Variants in CCNK observed in about 807,000 individuals in gnomAD.
CCNK encodes cyclin K.
CCNK carries 9 observed loss-of-function variants against 65.0 expected under a neutral mutation model. The ratio of observed to expected loss-of-function variants is 0.14; its 90% CI spans 0.08 to 0.24. CCNK has a LOEUF of 0.24. Among genes scored for constraint, CCNK ranks in the 10% least tolerant of loss-of-function variants. The probability of loss-of-function intolerance (pLI) is 1.00; values close to 1 mark genes in which losing one functional copy is unlikely to be tolerated. For synonymous variants in CCNK, 279 were observed against 270.8 expected, an observed-to-expected ratio of 1.03 and a Z score of -0.30; for missense variants, 474 against 720.0, an observed-to-expected ratio of 0.66 and a Z score of 3.91.
intron 6 of CCNK, chr14:99,501,621 G>A: frequency 1.9e-6 from 1 of 539,404 alleles, no homozygotes; most frequent in Non-Finnish European, 3.3e-6. Context: ...TCATGGTGTT[G>A]TGAGGTGCTG....
At chr14:99,486,633 CTCTTG>C (rs1257465475) in intron 1 of CCNK, among the ~76,000 whole-genome samples, 1 of 152,176 alleles carries the variant, frequency 6.6e-6, no homozygotes, top group Non-Finnish European at 1.5e-5. Context: ...CCAGCTTTTT[CTCTTG>C]TCTTATCCAT....
intron 1 of CCNK, among the ~76,000 whole-genome samples, chr14:99,490,167 G>A (rs1441389387): frequency 6.6e-6 from 1 of 152,186 alleles, no homozygotes; most frequent in African/African-American, 2.4e-5. Flanking sequence ...AGAAAGTAGA[G>A]CTTAATTCCT....
chr14:99,506,929 C>T (rs917628002), intron 9 of CCNK, 147 bp from the exon 10 acceptor site: 6 of 676,246 alleles, frequency 8.9e-6, no homozygotes, highest in African/African-American at 5.3e-5. Flanking sequence ...AATGGTTTAG[C>T]TGAAACCTTC....
chr14:99,502,040 C>T (rs2069496), intron 6 of CCNK, 167 bp from the exon 7 acceptor site: 299,196 of 668,104 alleles, frequency 0.45, 69,169 homozygotes, highest in East Asian at 0.56. Context: ...GTAACTTAGT[C>T]GGGTACCTTT....
At chr14:99,487,544 G>T (rs1896516121) in intron 1 of CCNK, among the ~76,000 whole-genome samples, 2 of 152,234 alleles carry the variant, frequency 1.3e-5, no homozygotes, top group South Asian at 4.1e-4. Context: ...ACTGCTTTAT[G>T]CAACAACAGG....
At position 99,503,588 on chromosome 14, in the gene CCNK, T is replaced by C. The variant is rs1316345545; in HGVS notation, c.1012-23T>C. The C allele has an allele frequency of 8.4e-6, 13 of 1,551,292 alleles. No homozygotes were observed. In the East Asian group the frequency reaches 2.9e-4, roughly 34 times the overall value. ...TCATACTCAGGATCCCAGTTAACAA[T>C]TGTGTATTTTCTTTTGTAACAGGTT... On this transcript the variant is annotated intron_variant, in intron 8 of 10. Coordinates refer to ENST00000389879, the MANE Select transcript of CCNK (RefSeq NM_001099402.2).
At chr14:99,495,408 G>A (rs1270586134) in intron 3 of CCNK, 90 bp from the exon 4 acceptor site, 4 of 1,156,994 alleles carry the variant, frequency 3.5e-6, no homozygotes, top group Middle Eastern at 3.0e-4. Context: ...GAATGAGGAA[G>A]ACCAGTTTAT....
At chr14:99,492,897 CTG>C (rs1411263498) in intron 2 of CCNK, 23 bp downstream of exon 2, 44 of 1,554,830 alleles carry the variant, frequency 2.8e-5, no homozygotes, top group Non-Finnish European at 3.5e-5. Context: ...TCCTTGGAAT[CTG>C]TTACAGATAG....
intron 4 of CCNK, among the ~76,000 whole-genome samples, chr14:99,496,398 A>G (rs1318255072): frequency 6.6e-6 from 1 of 152,198 alleles, no homozygotes; most frequent in Non-Finnish European, 1.5e-5. Flanking sequence ...CAACATAGCG[A>G]AACCCCATCT....
Position 99,502,823 on chromosome 14 carries a change from C to G in CCNK, c.850C>G (p.Gln284Glu), listed in dbSNP as rs768325984. ...GCCCCCATCTCTTCAGCCTACACCA[C>G]AAGTGCCGCAAGTACAGCAGTCACA... is the stretch of plus-strand genomic sequence containing the variant. Reference protein sequence around the residue: ...QQPPSLQPTPQVPQVQQSQPS... With the variant: ...QQPPSLQPTPEVPQVQQSQPS... The change falls in exon 8 of 11, where the codon CAA (glutamine) becomes GAA (glutamate). Residue 284 changes from glutamine (Q) to glutamate (E), a missense_variant. Gln to Glu is a conservative substitution (Grantham distance 29, BLOSUM62 2). This residue lies in a region of CCNK where 229 missense variants were observed against 275.5 expected (regional missense o/e 0.83). Coordinates refer to ENST00000389879, the MANE Select transcript of CCNK (RefSeq NM_001099402.2). 1 of 1,613,774 alleles carries G rather than the reference C, an allele frequency of 6.2e-7. No homozygotes were observed. Among genetic ancestry groups the G allele is most frequent in the Non-Finnish European group, 8.5e-7 (1 of 1,179,816 alleles).
Position 99,511,087 on chromosome 14 carries a change from G to C in CCNK, c.*305G>C. On this transcript the variant is annotated 3_prime_UTR_variant, in exon 11 of 11. Transcript: ENST00000389879. ...GTGAGGACGTTAACCAGCCATATTG[G>C]CTCAATAAATAGCTTCGGTAAGGAG... 1 of 241,086 alleles carries C rather than the reference G, an allele frequency of 4.1e-6. No homozygotes were observed. 14.9% of individuals were successfully genotyped at this position (241,086 alleles called of 1,614,324 possible).
At chr14:99,483,475 G>A (rs1324272602) in intron 1 of CCNK, among the ~76,000 whole-genome samples, 7 of 152,196 alleles carry the variant, frequency 4.6e-5, no homozygotes, top group Admixed American at 2.6e-4. Flanking sequence ...ACTTGAGTCT[G>A]AGAGATCAAG....
intron 2 of CCNK, 143 bp from the exon 3 acceptor site, chr14:99,493,371 A>G (rs776259798): frequency 3.6e-6 from 2 of 557,056 alleles, no homozygotes. Context: ...ACACCCTGAG[A>G]TTCCCATCTC....
intron 5 of CCNK, 108 bp from the exon 6 acceptor site, chr14:99,501,248 C>T (rs1896818179): frequency 5.4e-6 from 4 of 738,628 alleles, no homozygotes; most frequent in South Asian, 4.6e-5. Context: ...AAGCTCTTTG[C>T]TGTGTATTTG....
chr14:99,490,310 A>G (rs1173310707), intron 1 of CCNK, among the ~76,000 whole-genome samples: 1 of 152,198 alleles, frequency 6.6e-6, no homozygotes, highest in Non-Finnish European at 1.5e-5. Context: ...AACAGCAGTA[A>G]GTTGTTCTGA....
At chr14:99,501,770 G>A (rs999651503) in intron 6 of CCNK, 1 of 248,150 alleles carries the variant, frequency 4.0e-6, no homozygotes. Context: ...CTTTTGAGAG[G>A]CCAGGGATCT....
chr14:99,488,975 T>G (rs895515638), intron 1 of CCNK, among the ~76,000 whole-genome samples: 1 of 151,934 alleles, frequency 6.6e-6, no homozygotes, highest in African/African-American at 2.4e-5. Flanking sequence ...TGATAAGCTT[T>G]GATTAGTCTG....
intron 1 of CCNK, among the ~76,000 whole-genome samples, chr14:99,489,530 C>G (rs1278015801): frequency 6.6e-6 from 1 of 152,074 alleles, no homozygotes; most frequent in East Asian, 1.9e-4. Context: ...GACTCTGACT[C>G]TAAAATAAGT....
In CCNK at chr14:99,502,928, C is replaced by G. The variant is rs1460094258; in HGVS notation, c.955C>G (p.Gln319Glu). 1 of 1,613,760 alleles carries G rather than the reference C, an allele frequency of 6.2e-7. No homozygotes were observed. Among genetic ancestry groups the G allele is most frequent in the African/African-American group, 1.3e-5 (1 of 74,888 alleles). ...AGCCCAGCAGCAGCAGCCAGCCCAA[C>G]AGCCCAAGAAACCCTCTCCGCAGCC... ...QPAQQQQPAQ[Q>E]PKKPSPQPSS... The change falls in exon 8 of 11, where the codon CAG becomes GAG. Residue 319 changes from glutamine to glutamate, a missense_variant. Coordinates refer to ENST00000389879, the MANE Select transcript of CCNK (RefSeq NM_001099402.2).
Sources: allele counts gnomAD v4.1 joint callset (sites outside exome capture counted in the v4.1 genomes callset), GRCh38; gene constraint gnomAD v4.1.1; regional missense constraint gnomAD v4.1.1; transcripts MANE v1.5; gene names NCBI Gene and HGNC (gene_info 2026-07-23, HGNC 2026-07-21).